GNAL: variants seen among roughly 807,000 people sequenced by gnomAD.
The protein encoded by GNAL is G protein subunit alpha L.
In GNAL, 18 loss-of-function variants were observed where a neutral mutation model predicts 55.1. The ratio of observed to expected loss-of-function variants is 0.33; its 90% CI spans 0.23 to 0.48. GNAL has a LOEUF of 0.48. GNAL is among the 20% of genes least tolerant of loss of function. GNAL has a pLI of 0.99. For synonymous variants in GNAL, 253 were observed against 237.0 expected, an observed-to-expected ratio of 1.07 and a Z score of -0.62; for missense variants, 412 against 614.1, an observed-to-expected ratio of 0.67 and a Z score of 3.48.
At position 11,689,452 on chromosome 18, in the gene GNAL, C is replaced by A; in HGVS notation, c.-112C>A. 1 of 434,952 alleles carries A rather than the reference C, an allele frequency of 2.3e-6. No individual in the cohort carries two copies. Among genetic ancestry groups the A allele is most frequent in the South Asian group, 1.2e-4 (1 of 8,620 alleles). 26.9% of individuals were successfully genotyped at this position (434,952 alleles called of 1,614,324 possible). A position where few individuals can be genotyped will look rare whatever the true frequency, so the allele number is the denominator to read the frequency against. ...CGCCGAACAGGGTCCGGGTGCAGCC[C>A]CCTCCCGCCCCTCCGCTGAGGCGCC... On this transcript the variant is annotated 5_prime_UTR_variant, in exon 1 of 12. Transcript: ENST00000334049.
intron 1 of GNAL, among the ~76,000 whole-genome samples, chr18:11,747,748 G>A (rs979483994): frequency 1.3e-5 from 2 of 151,970 alleles, no homozygotes; most frequent in African/African-American, 4.8e-5. Context: ...GAGACATCCT[G>A]TATGTCTTAA....
intron 1 of GNAL, among the ~76,000 whole-genome samples, chr18:11,711,571 G>C (rs1247676441): frequency 2.0e-5 from 3 of 151,988 alleles, no homozygotes; most frequent in African/African-American, 7.2e-5. Flanking sequence ...CTGTTTTATA[G>C]TTTCTATTTC....
Position 11,752,781 on chromosome 18 carries a change from G to C in GNAL, c.377-72G>C. Reference sequence around the variant, plus strand: ...CGTGCTGGGGGAGGAGGATTGCTCAGACCCGGCTAGTGGTGAGAGATGGCA... The same window carrying C: ...CGTGCTGGGGGAGGAGGATTGCTCACACCCGGCTAGTGGTGAGAGATGGCA... On this transcript the variant is annotated intron_variant, in intron 1 of 11. Coordinates refer to ENST00000334049, the MANE Select transcript of GNAL (RefSeq NM_182978.4). The surrounding 1 kb of genome is among the most constrained non-coding windows in gnomAD (Gnocchi z 4.5). The C allele has an allele frequency of 8.2e-7, 1 of 1,226,422 alleles. No individual in the cohort carries two copies. The allele number at this position is 1,226,422 out of a possible 1,614,324, so 76.0% of individuals were successfully genotyped here.
intron 5 of GNAL, among the ~76,000 whole-genome samples, chr18:11,828,523 A>G (rs1323264722): frequency 2.6e-5 from 4 of 152,222 alleles, no homozygotes; most frequent in Non-Finnish European, 5.9e-5. Context: ...ATTAAAATTC[A>G]TACACCTCTG....
At chr18:11,714,687 C>T (rs1338826304) in intron 1 of GNAL, among the ~76,000 whole-genome samples, 1 of 152,126 alleles carries the variant, frequency 6.6e-6, no homozygotes, top group Non-Finnish European at 1.5e-5. Context: ...TCCTTGTGAG[C>T]AGTTAGTGAG....
At chr18:11,850,675 T>C (rs1308882193) in intron 5 of GNAL, among the ~76,000 whole-genome samples, 2 of 152,240 alleles carry the variant, frequency 1.3e-5, no homozygotes, top group Non-Finnish European at 2.9e-5. Flanking sequence ...CTTGGATATT[T>C]ATAAAACATC....
At chr18:11,815,209 A>G (rs538268841) in intron 4 of GNAL, among the ~76,000 whole-genome samples, 3 of 152,176 alleles carry the variant, frequency 2.0e-5, no homozygotes, top group Non-Finnish European at 4.4e-5. Context: ...CTATGTATAT[A>G]CTCATTGAAG....
intron 5 of GNAL, among the ~76,000 whole-genome samples, 188 bp from the exon 6 acceptor site, chr18:11,862,207 C>T (rs931363200): frequency 1.3e-5 from 2 of 152,156 alleles, no homozygotes; most frequent in South Asian, 2.1e-4. Context: ...GCAGTTCTCC[C>T]TCCCTGGGTC....
chr18:11,750,577 A>C (rs976151289), intron 1 of GNAL, among the ~76,000 whole-genome samples: 2 of 152,176 alleles, frequency 1.3e-5, no homozygotes, highest in African/African-American at 4.8e-5. Flanking sequence ...TCAAAGCAGG[A>C]GCCACAGAGA....
chr18:11,841,644 CAAAAAA>C (rs56295234), intron 5 of GNAL, among the ~76,000 whole-genome samples: 1 of 122,744 alleles, frequency 8.1e-6, no homozygotes, highest in Non-Finnish European at 1.7e-5. Flanking sequence ...GGGTCTGTCT[CAAAAAA>C]AAAAAAAAAA....
chr18:11,708,389 C>G (rs149669104), intron 1 of GNAL, among the ~76,000 whole-genome samples: 1 of 152,234 alleles, frequency 6.6e-6, no homozygotes, highest in Non-Finnish European at 1.5e-5. Flanking sequence ...AACACACACA[C>G]CATTTATCGA....
Position 11,750,568 on chromosome 18 carries a change from C to T in GNAL, c.377-2285C>T, listed in dbSNP as rs570114859. Among the ~76,000 whole-genome samples, 61 of 152,186 alleles carry T rather than the reference C, an allele frequency of 4.0e-4. 2 individuals are homozygous for T. In the South Asian group the frequency reaches 0.012, roughly 31 times the overall value. ...ACCCAATGCAGTCTCTAGGAGGGATCAAAGCAGGAGCCACAGAGACGGAAA... is the reference window on the plus strand; with the variant it reads ...ACCCAATGCAGTCTCTAGGAGGGATTAAAGCAGGAGCCACAGAGACGGAAA... On this transcript the variant is annotated intron_variant, in intron 1 of 11. Transcript: ENST00000334049.
At chr18:11,876,540 T>C (rs1361244958) in intron 10 of GNAL, 81 bp from the exon 11 acceptor site, 2 of 873,778 alleles carry the variant, frequency 2.3e-6, no homozygotes, top group East Asian at 2.4e-5. Flanking sequence ...CAGTCTAACG[T>C]TGAAATTCCT....
At chr18:11,860,536 T>C (rs2036108393) in intron 5 of GNAL, among the ~76,000 whole-genome samples, 1 of 152,114 alleles carries the variant, frequency 6.6e-6, no homozygotes, top group Non-Finnish European at 1.5e-5. Context: ...GCATACACAT[T>C]TTATTTAATA....
intron 5 of GNAL, among the ~76,000 whole-genome samples, chr18:11,827,737 C>G (rs758513167): frequency 1.3e-5 from 2 of 152,018 alleles, no homozygotes; most frequent in East Asian, 3.9e-4. Flanking sequence ...TTTGGGAGGC[C>G]GAGATGGGCA....
Position 11,753,696 on chromosome 18 carries a change from T to A in GNAL, c.504+14T>A, listed in dbSNP as rs372718658. The A allele has an allele frequency of 8.3e-6, 13 of 1,566,722 alleles. No individual in the cohort carries two copies. The Admixed American group carries it at 1.0e-4, about 12-fold the overall frequency. ...GATGCTATCGTGGTAAGGACTTTTT[T>A]AAATGATTGTTTACTAGAAAGGTCA... On this transcript the variant is annotated intron_variant, in intron 3 of 11. Coordinates refer to ENST00000334049, the MANE Select transcript of GNAL (RefSeq NM_182978.4).
At chr18:11,807,858 T>A (rs112696637) in intron 4 of GNAL, among the ~76,000 whole-genome samples, 2,457 of 152,120 alleles carry the variant, frequency 0.016, 72 homozygotes, top group African/African-American at 0.056. Context: ...GGCCATGATG[T>A]CTTGAAGGCC....
At chr18:11,791,344 A>G (rs186263248) in intron 4 of GNAL, among the ~76,000 whole-genome samples, 99 of 152,332 alleles carry the variant, frequency 6.5e-4, no homozygotes, top group Non-Finnish European at 1.3e-3. Flanking sequence ...GTGTTTTTCC[A>G]TAGCCATAGC....
intron 1 of GNAL, among the ~76,000 whole-genome samples, chr18:11,722,848 T>C (rs10164014): frequency 0.013 from 1,973 of 152,032 alleles, 39 homozygotes; most frequent in African/African-American, 0.045. Context: ...CCTGTCTCTA[T>C]TAAAAATACA....
Sources: allele counts gnomAD v4.1 joint callset (sites outside exome capture counted in the v4.1 genomes callset), GRCh38; gene constraint gnomAD v4.1.1; non-coding constraint Gnocchi (gnomAD v3.1); transcripts MANE v1.5; gene names NCBI Gene and HGNC (gene_info 2026-07-23, HGNC 2026-07-21).